Variants in ERBB4 observed in about 807,000 individuals in gnomAD.
The protein encoded by ERBB4 is receptor tyrosine-protein kinase erbB-4.
ERBB4 carries 42 observed loss-of-function variants against 158.0 expected under a neutral mutation model. The ratio of observed to expected loss-of-function variants is 0.27; its 90% CI spans 0.21 to 0.34. The LOEUF (loss-of-function observed/expected upper bound fraction) is 0.34, where lower values mean the gene tolerates loss of function less well. ERBB4 is among the 10% of genes least tolerant of loss of function. The pLI, the probability that ERBB4 is intolerant of heterozygous loss-of-function variation, is 1.00. For synonymous variants in ERBB4, 583 were observed against 558.7 expected (o/e 1.04, Z -0.61); for missense variants, 1,333 against 1,624.1 (o/e 0.82, Z 3.08).
intron 4 of ERBB4, among the ~76,000 whole-genome samples, chr2:211,772,953 ATATT>A (rs1331234112): frequency 5.2e-5 from 4 of 77,108 alleles, no homozygotes; most frequent in African/African-American, 2.4e-4. Flanking sequence ...ATATATATAT[ATATT>A]TTTTTTTTTA....
chr2:211,964,389 A>T (rs1467989876), intron 2 of ERBB4, among the ~76,000 whole-genome samples: 2 of 152,218 alleles, frequency 1.3e-5, no homozygotes, highest in Non-Finnish European at 2.9e-5. Flanking sequence ...GCAATTTGCT[A>T]ACTTTCAACA....
At chr2:212,303,804 C>T (rs933294971) in intron 1 of ERBB4, among the ~76,000 whole-genome samples, 1 of 151,304 alleles carries the variant, frequency 6.6e-6, no homozygotes, top group Admixed American at 6.6e-5. Context: ...CCATGTTTTC[C>T]CTGAGACACT....
At chr2:212,429,676 A>C (rs1479441102) in intron 1 of ERBB4, among the ~76,000 whole-genome samples, 3 of 152,128 alleles carry the variant, frequency 2.0e-5, no homozygotes, top group Non-Finnish European at 2.9e-5. Context: ...AGGCACAGAG[A>C]GGTAATTATC....
At chr2:211,528,910 A>G (rs1195539597) in intron 20 of ERBB4, among the ~76,000 whole-genome samples, 1 of 152,030 alleles carries the variant, frequency 6.6e-6, no homozygotes, top group East Asian at 1.9e-4. Context: ...AAGAGGCAAA[A>G]CTTCAAGAAA....
At chr2:211,801,704 A>C (rs1438092928) in intron 3 of ERBB4, among the ~76,000 whole-genome samples, 1 of 152,208 alleles carries the variant, frequency 6.6e-6, no homozygotes, top group Non-Finnish European at 1.5e-5. Flanking sequence ...AAATATTTTT[A>C]GAAGTTTCAT....
chr2:212,244,519 T>C (rs529726713), intron 1 of ERBB4, among the ~76,000 whole-genome samples: 1 of 152,272 alleles, frequency 6.6e-6, no homozygotes, highest in East Asian at 1.9e-4. Flanking sequence ...ACAACAACCA[T>C]GCCCATCTTA....
Position 211,376,608 on chromosome 2 carries a change from T to C in ERBB4, c.*7007A>G, listed in dbSNP as rs1300394418. On this transcript the variant is annotated 3_prime_UTR_variant, in exon 28 of 28. Coordinates refer to ENST00000342788, the MANE Select transcript of ERBB4 (RefSeq NM_005235.3). The stretch of plus-strand genomic sequence containing the variant: ...AAGAAAATAAGGAAGTGAGTACAAA[T>C]GTATACACCTTAAGCCTCTGCCTTT... The C allele has an allele frequency of 4.3e-6, 1 of 232,918 alleles. No individual in the cohort carries two copies. Among genetic ancestry groups the C allele is most frequent in the Non-Finnish European group, 8.5e-6 (1 of 117,548 alleles). 14.4% of individuals were successfully genotyped at this position (232,918 alleles called of 1,614,324 possible). A position where few individuals can be genotyped will look rare whatever the true frequency, so the allele number is the denominator to read the frequency against.
At chr2:212,354,043 GT>G (rs1364174071) in intron 1 of ERBB4, among the ~76,000 whole-genome samples, 10 of 152,114 alleles carry the variant, frequency 6.6e-5, no homozygotes, top group African/African-American at 2.2e-4. Context: ...TTAAGCTTCT[GT>G]TCCATTTCAG....
chr2:212,083,034 A>G (rs17344065), intron 2 of ERBB4, among the ~76,000 whole-genome samples: 22,335 of 151,992 alleles, frequency 0.15, 2,109 homozygotes, highest in Non-Finnish European at 0.21. Context: ...GTAACCTAGT[A>G]TCATATATGT....
At chr2:212,307,552 GCA>G (rs2086855662) in intron 1 of ERBB4, among the ~76,000 whole-genome samples, 1 of 150,022 alleles carries the variant, frequency 6.7e-6, no homozygotes, top group South Asian at 2.1e-4. Context: ...ATGCATTTTC[GCA>G]CAGTTTTTAT....
intron 25 of ERBB4, among the ~76,000 whole-genome samples, chr2:211,418,543 T>A (rs1203397498): frequency 6.6e-6 from 1 of 152,136 alleles, no homozygotes; most frequent in African/African-American, 2.4e-5. Flanking sequence ...GTCTCAATAA[T>A]TCCATCTAGC....
chr2:211,430,948 T>C lies in ERBB4; in HGVS notation c.2640A>G (p.Gly880=), dbSNP rs1435814562. The C allele has an allele frequency of 6.2e-7, 1 of 1,612,950 alleles. No homozygotes were observed. Among genetic ancestry groups the C allele is most frequent in the Admixed American group, 1.7e-5 (1 of 60,012 alleles). ...GDEKEYNADG[G]KMPIKWMALE... ...TTGCTCTCAAAAAGATACCCACCTT[T>C]CCTCCATCAGCATTGTACTCTTTTT... The change falls in exon 21 of 28, where the codon GGA becomes GGG. Residue 880 remains glycine, a synonymous_variant. Transcript: ENST00000342788.
intron 1 of ERBB4, among the ~76,000 whole-genome samples, chr2:212,411,033 G>T (rs2091482870): frequency 6.6e-6 from 1 of 151,908 alleles, no homozygotes; most frequent in South Asian, 2.1e-4. Flanking sequence ...AGTCTTAAAG[G>T]TATAATGTTA....
intron 1 of ERBB4, among the ~76,000 whole-genome samples, chr2:212,496,267 G>A (rs1296047300): frequency 6.7e-6 from 1 of 149,144 alleles, no homozygotes; most frequent in Non-Finnish European, 1.5e-5. Flanking sequence ...TATATCGATT[G>A]TTGATTGACC....
At chr2:212,053,560 T>G (rs985808210) in intron 2 of ERBB4, among the ~76,000 whole-genome samples, 5 of 152,226 alleles carry the variant, frequency 3.3e-5, no homozygotes, top group African/African-American at 7.2e-5. Flanking sequence ...ATTCTAAAAA[T>G]GCCTCCATGA....
intron 1 of ERBB4, among the ~76,000 whole-genome samples, chr2:212,355,649 C>G (rs957858582): frequency 5.3e-5 from 8 of 151,952 alleles, no homozygotes; most frequent in Admixed American, 4.0e-4. Context: ...TTGCAATATG[C>G]TCATAAATAA....
chr2:211,394,258 A>C (rs1165730951), intron 25 of ERBB4, among the ~76,000 whole-genome samples: 1 of 152,196 alleles, frequency 6.6e-6, no homozygotes, highest in Non-Finnish European at 1.5e-5. Context: ...CACTAATGCC[A>C]ACATTGCTTA....
At chr2:211,804,161 A>G (rs1296478150) in intron 3 of ERBB4, among the ~76,000 whole-genome samples, 2 of 152,222 alleles carry the variant, frequency 1.3e-5, no homozygotes, top group Non-Finnish European at 2.9e-5. Context: ...ATAAAATCAA[A>G]TAACTGGCTG....
At chr2:211,600,516 C>T (rs186115133) in intron 19 of ERBB4, among the ~76,000 whole-genome samples, 4 of 152,190 alleles carry the variant, frequency 2.6e-5, no homozygotes, top group Admixed American at 1.3e-4. Context: ...AATTTAGTAG[C>T]GCAGATGGTG....
Sources: allele counts gnomAD v4.1 joint callset (sites outside exome capture counted in the v4.1 genomes callset), GRCh38; gene constraint gnomAD v4.1.1; transcripts MANE v1.5; gene names NCBI Gene and HGNC (gene_info 2026-07-23, HGNC 2026-07-21).